Variants in NOX4 observed in about 807,000 individuals in gnomAD.
NOX4 encodes kidney oxidase-1.
In NOX4, 69 loss-of-function variants were observed where a neutral mutation model predicts 87.6. That is an observed-to-expected ratio of 0.79 (90% CI 0.65 to 0.96). The LOEUF (loss-of-function observed/expected upper bound fraction) is 0.96. NOX4 is among the 40% of genes least tolerant of loss of function. The pLI is 0.00. For synonymous variants in NOX4, 275 were observed against 238.2 expected (o/e 1.15, Z -1.42); for missense variants, 680 against 681.5 (o/e 1.00, Z 0.02).
At chr11:89,504,654 A>G in the NOX4 span, among the ~76,000 whole-genome samples, 1 of 152,014 alleles carries the variant, frequency 6.6e-6, no homozygotes, top group Admixed American at 6.6e-5. Flanking sequence ...TCTAAGTTCC[A>G]TTGTGAATTA....
intron 8 of NOX4, among the ~76,000 whole-genome samples, chr11:89,421,473 T>C (rs528633667): frequency 5.3e-5 from 8 of 152,304 alleles, no homozygotes; most frequent in African/African-American, 1.9e-4. Context: ...TGGCTCTCTC[T>C]GCAAGTATTA....
At chr11:89,359,344 A>C (rs1308527693) in intron 12 of NOX4, among the ~76,000 whole-genome samples, 1 of 151,764 alleles carries the variant, frequency 6.6e-6, no homozygotes, top group Admixed American at 6.6e-5. Context: ...TACCAAATGC[A>C]ATAAGGATTT....
chr11:89,392,741 G>T (rs1327499034), intron 11 of NOX4, among the ~76,000 whole-genome samples: 4 of 152,092 alleles, frequency 2.6e-5, no homozygotes, highest in Non-Finnish European at 4.4e-5. Flanking sequence ...AATTTTAAAA[G>T]TAATCAAATT....
chr11:89,518,625 G>T, the NOX4 span, among the ~76,000 whole-genome samples: 1 of 151,924 alleles, frequency 6.6e-6, no homozygotes, highest in African/African-American at 2.4e-5. Context: ...TCCACAGCAC[G>T]TCCTCCTCCC....
intron 8 of NOX4, among the ~76,000 whole-genome samples, chr11:89,418,347 C>T (rs1942896148): frequency 6.6e-6 from 1 of 151,070 alleles, no homozygotes; most frequent in Non-Finnish European, 1.5e-5. Context: ...TGGGTTCAAA[C>T]TGGAAATCTA....
intron 8 of NOX4, among the ~76,000 whole-genome samples, chr11:89,417,978 T>C (rs2135249759): frequency 6.6e-6 from 1 of 152,240 alleles, no homozygotes; most frequent in Admixed American, 6.6e-5. Context: ...TTTAAAGATG[T>C]ATTTTAACAC....
At chr11:89,383,198 C>T (rs1364926306) in intron 11 of NOX4, among the ~76,000 whole-genome samples, 6 of 152,226 alleles carry the variant, frequency 3.9e-5, no homozygotes, top group Admixed American at 1.3e-4. Context: ...AACTTCAAAA[C>T]GCCTAAGCCA....
chr11:89,470,003 C>T (rs894364906), intron 2 of NOX4, among the ~76,000 whole-genome samples: 2 of 151,776 alleles, frequency 1.3e-5, no homozygotes, highest in Non-Finnish European at 2.9e-5. Context: ...ATATGAAGCC[C>T]CTTAACTAGC....
chr11:89,442,752 A>T (rs971981619), intron 5 of NOX4, among the ~76,000 whole-genome samples: 8 of 152,206 alleles, frequency 5.3e-5, no homozygotes, highest in Non-Finnish European at 1.0e-4. Context: ...AAAGAAAATA[A>T]ATTTAATAAC....
intron 2 of NOX4, among the ~76,000 whole-genome samples, chr11:89,461,075 G>A (rs772486242): frequency 5.3e-5 from 8 of 152,076 alleles, no homozygotes; most frequent in Middle Eastern, 3.4e-3. Flanking sequence ...ACCAAACACC[G>A]CATGTTCTCA....
intron 7 of NOX4, among the ~76,000 whole-genome samples, chr11:89,425,420 AAAAAC>A (rs1204095335): frequency 2.0e-5 from 3 of 151,444 alleles, no homozygotes; most frequent in African/African-American, 4.9e-5. Flanking sequence ...AAAAAAAAAA[AAAAAC>A]AAAACAAAAT....
chr11:89,474,341 G>A (rs749811049), intron 2 of NOX4, among the ~76,000 whole-genome samples: 6 of 149,796 alleles, frequency 4.0e-5, no homozygotes, highest in Non-Finnish European at 8.9e-5. Flanking sequence ...TATTGAGTAA[G>A]ACCAATACAT....
chr11:89,336,392 T>C (rs947670755), intron 16 of NOX4, among the ~76,000 whole-genome samples: 9 of 152,084 alleles, frequency 5.9e-5, no homozygotes, highest in East Asian at 1.9e-4. Flanking sequence ...TTGAAGTATT[T>C]TGGCACCACA....
chr11:89,476,469 T>A (rs535628920), intron 2 of NOX4, among the ~76,000 whole-genome samples: 2 of 152,280 alleles, frequency 1.3e-5, no homozygotes, highest in East Asian at 3.9e-4. Flanking sequence ...AATATATTAA[T>A]ATTTGTAAAC....
chr11:89,517,202 T>C, the NOX4 span, among the ~76,000 whole-genome samples: 5 of 152,122 alleles, frequency 3.3e-5, no homozygotes, highest in Admixed American at 6.6e-5. Context: ...TAAAAATGTG[T>C]TTCTAACAAG....
At chr11:89,533,166 CAT>C in the NOX4 span, among the ~76,000 whole-genome samples, 2 of 152,180 alleles carry the variant, frequency 1.3e-5, no homozygotes, top group African/African-American at 4.8e-5. Flanking sequence ...CAGTGTGTGA[CAT>C]ATAGTAGGCA....
At chr11:89,579,806 C>T in the NOX4 span, among the ~76,000 whole-genome samples, 28 of 151,754 alleles carry the variant, frequency 1.8e-4, no homozygotes, top group African/African-American at 6.5e-4. Context: ...AGAAATAAAA[C>T]CAATTAATTC....
chr11:89,397,634 T>G (rs1457778381), intron 11 of NOX4, among the ~76,000 whole-genome samples: 1 of 152,044 alleles, frequency 6.6e-6, no homozygotes, highest in African/African-American at 2.4e-5. Context: ...AAAAGGGATA[T>G]GACCACTGAT....
At chr11:89,578,321 C>A in the NOX4 span, among the ~76,000 whole-genome samples, 3 of 151,992 alleles carry the variant, frequency 2.0e-5, no homozygotes, top group African/African-American at 7.3e-5. Flanking sequence ...GCCACCACGC[C>A]CAGCTAATTT....
Sources: allele counts gnomAD v4.1 joint callset (sites outside exome capture counted in the v4.1 genomes callset), GRCh38; gene constraint gnomAD v4.1.1; transcripts MANE v1.5; gene names NCBI Gene and HGNC (gene_info 2026-07-23, HGNC 2026-07-21).